CADPS2: variants seen among roughly 807,000 people sequenced by gnomAD.
The protein encoded by CADPS2 is calcium dependent secretion activator 2.
In CADPS2, 93 loss-of-function variants were observed where a neutral mutation model predicts 172.5. That is an observed-to-expected ratio of 0.54 (90% CI 0.46 to 0.64). The LOEUF (loss-of-function observed/expected upper bound fraction) is 0.64, where lower values mean the gene tolerates loss of function less well. Among genes scored for constraint, CADPS2 ranks in the 30% least tolerant of loss-of-function variants. CADPS2 has a pLI of 0.00. For synonymous variants in CADPS2, 546 were observed against 555.2 expected (o/e 0.98, Z 0.23); for missense variants, 1,420 against 1,565.9 (o/e 0.91, Z 1.57).
chr7:122,821,966 G>A (rs1803430487), intron 1 of CADPS2, among the ~76,000 whole-genome samples: 2 of 151,924 alleles, frequency 1.3e-5, no homozygotes, highest in South Asian at 4.1e-4. Flanking sequence ...AACTTAGACT[G>A]TGCCCCAAAA....
At chr7:122,846,692 T>C (rs1432088540) in intron 1 of CADPS2, among the ~76,000 whole-genome samples, 4 of 152,134 alleles carry the variant, frequency 2.6e-5, no homozygotes, top group Non-Finnish European at 2.9e-5. Flanking sequence ...GAAGAGTGAA[T>C]AGGCTGAGCA....
chr7:122,424,369 G>T (rs2048889143), intron 17 of CADPS2: 2 of 982,324 alleles, frequency 2.0e-6, no homozygotes, highest in African/African-American at 1.7e-5. Flanking sequence ...TAAGCCTATG[G>T]CCAGCTGTTG....
chr7:122,788,971 C>G (rs1794675748), intron 1 of CADPS2, among the ~76,000 whole-genome samples: 1 of 152,174 alleles, frequency 6.6e-6, no homozygotes, highest in South Asian at 2.1e-4. Context: ...AACACCTTGG[C>G]TCCTGTTGGA....
chr7:122,493,302 A>T (rs1990349), intron 9 of CADPS2, among the ~76,000 whole-genome samples: 61,415 of 151,894 alleles, frequency 0.4, 12,723 homozygotes, highest in African/African-American at 0.48. Flanking sequence ...AGGTTTGAGG[A>T]AGTGACAGGT....
chr7:122,868,732 G>A (rs1818938224), intron 1 of CADPS2, among the ~76,000 whole-genome samples: 1 of 152,170 alleles, frequency 6.6e-6, no homozygotes, highest in South Asian at 2.1e-4. Flanking sequence ...TGAAGCTTAT[G>A]CTAATGAATG....
rs73717641 is a variant in CADPS2 at position 122,368,346 on chromosome 7, G to A, written c.3388-7333C>T. The A allele has an allele frequency of 6.9e-3, 1,046 of 152,530 alleles. 9 individuals carry two copies. Among genetic ancestry groups the A allele is most frequent in the African/African-American group, 0.024 (999 of 41,500 alleles). The allele number at this position is 152,530 out of a possible 1,614,324, so 9.4% of individuals were successfully genotyped here. ...ACCCAGATATAAAAGGGACACAAGA[G>A]GACTGGAGGTGAAGCTATCACTCTT... is the stretch of plus-strand genomic sequence containing the variant. On this transcript the variant is annotated intron_variant, in intron 25 of 29. Coordinates refer to ENST00000449022, the MANE Select transcript of CADPS2 (RefSeq NM_017954.11).
rs766349386 is a variant in CADPS2 at position 122,615,282 on chromosome 7, C to A, written c.1122G>T (p.Val374=). The change falls in exon 6 of 30, where the codon GTG becomes GTT. Residue 374 remains valine, a synonymous_variant. Coordinates refer to ENST00000449022, the MANE Select transcript of CADPS2 (RefSeq NM_017954.11). ...TGGGAGCAACTGACTTCAGGCCTTG[C>A]ACTTCCATTATGACAATCTAAAGAT... ...SFTLEIVIME[V]QGLKSVAPNR... The A allele has an allele frequency of 3.9e-6, 6 of 1,545,224 alleles. No individual in the cohort carries two copies. The Admixed American group carries it at 9.7e-5, about 25-fold the overall frequency.
At chr7:122,617,660 A>C (rs901977442) in intron 5 of CADPS2, among the ~76,000 whole-genome samples, 2 of 152,216 alleles carry the variant, frequency 1.3e-5, no homozygotes, top group Non-Finnish European at 2.9e-5. Context: ...ACACTGGGCA[A>C]TATGGTGAAA....
chr7:122,510,679 C>T (rs1273876371), intron 9 of CADPS2, among the ~76,000 whole-genome samples: 1 of 152,140 alleles, frequency 6.6e-6, no homozygotes, highest in East Asian at 1.9e-4. Context: ...GTATACTGTC[C>T]TCCCTGTGAA....
intron 25 of CADPS2, among the ~76,000 whole-genome samples, chr7:122,374,532 T>C (rs933950140): frequency 6.6e-5 from 10 of 152,076 alleles, no homozygotes; most frequent in African/African-American, 2.4e-4. Context: ...TCTTAATATG[T>C]AGAAAACCCT....
intron 8 of CADPS2, among the ~76,000 whole-genome samples, chr7:122,519,277 C>T (rs1289333299): frequency 6.6e-6 from 1 of 152,006 alleles, no homozygotes; most frequent in Non-Finnish European, 1.5e-5. Context: ...CTAGAGTGTT[C>T]TGGATTATTT....
At chr7:122,753,898 T>C (rs948686011) in intron 1 of CADPS2, among the ~76,000 whole-genome samples, 9 of 152,262 alleles carry the variant, frequency 5.9e-5, no homozygotes, top group South Asian at 2.1e-4. Context: ...CTTTTTTTTT[T>C]CCCTTTTAAA....
At chr7:122,646,011 G>T (rs1336161361) in intron 3 of CADPS2, among the ~76,000 whole-genome samples, 1 of 151,754 alleles carries the variant, frequency 6.6e-6, no homozygotes, top group Non-Finnish European at 1.5e-5. Flanking sequence ...AGTGAATAAT[G>T]CTGAGATTAA....
chr7:122,738,872 C>G (rs1367152442), intron 1 of CADPS2, among the ~76,000 whole-genome samples: 1 of 119,770 alleles, frequency 8.3e-6, no homozygotes, highest in Non-Finnish European at 1.8e-5. Context: ...AAAAAAAAAA[C>G]TTTTGCCATG....
At chr7:122,328,708 A>C (rs1310945122) in intron 28 of CADPS2, 1 of 152,158 alleles carries the variant, frequency 6.6e-6, no homozygotes, top group Non-Finnish European at 1.5e-5. Flanking sequence ...TTCTTGAGAT[A>C]TCTCTTTTAA....
chr7:122,810,512 TAAA>T (rs1799790546), intron 1 of CADPS2, among the ~76,000 whole-genome samples: 2 of 152,156 alleles, frequency 1.3e-5, no homozygotes, highest in South Asian at 2.1e-4. Flanking sequence ...AACTTTAAAG[TAAA>T]AAGAATCACC....
At chr7:122,480,999 C>A in intron 11 of CADPS2, 139 bp from the exon 12 acceptor site, 1 of 738,912 alleles carries the variant, frequency 1.4e-6, no homozygotes, top group Non-Finnish European at 2.0e-6. Context: ...AAAAGACCAT[C>A]AGGAAAGAAA....
chr7:122,456,419 T>A (rs1333719997), intron 14 of CADPS2, among the ~76,000 whole-genome samples: 1 of 152,124 alleles, frequency 6.6e-6, no homozygotes, highest in African/African-American at 2.4e-5. Context: ...CATTTTTTTC[T>A]GGGGCCTGTA....
chr7:122,416,947 A>C (rs1360505882), intron 17 of CADPS2, among the ~76,000 whole-genome samples: 1 of 152,228 alleles, frequency 6.6e-6, no homozygotes, highest in Non-Finnish European at 1.5e-5. Flanking sequence ...AACAATGTAA[A>C]GATCAGTTCC....
Sources: allele counts gnomAD v4.1 joint callset (sites outside exome capture counted in the v4.1 genomes callset), GRCh38; gene constraint gnomAD v4.1.1; transcripts MANE v1.5; gene names NCBI Gene and HGNC (gene_info 2026-07-23, HGNC 2026-07-21).